The following TPPP variants were observed in gnomAD, a reference collection of about 807,000 sequenced individuals.
TPPP encodes tubulin polymerization-promoting protein.
A neutral mutation model predicts 15.5 loss-of-function variants in TPPP; 6 were observed. The observed-to-expected ratio is 0.39, with a 90% CI of 0.21 to 0.77. TPPP has a LOEUF of 0.77. TPPP is among the 30% of genes least tolerant of loss of function. The probability of loss-of-function intolerance (pLI) is 0.42; values close to 1 mark genes in which losing one functional copy is unlikely to be tolerated. For synonymous variants in TPPP, 146 were observed against 133.9 expected, an observed-to-expected ratio of 1.09 and a Z score of -0.63; for missense variants, 269 against 307.2, an observed-to-expected ratio of 0.88 and a Z score of 0.93.
chr5:682,824 T>G lies in TPPP; in HGVS notation c.-4-4760A>C, dbSNP rs1740664619. On this transcript the variant is annotated intron_variant, in intron 1 of 3. Coordinates refer to ENST00000360578, the MANE Select transcript of TPPP (RefSeq NM_007030.3). The stretch of plus-strand genomic sequence containing the variant: ...TGGCTGTGGGGTGGCTGAGCCTTGC[T>G]GGCAGAGGAGGCTGGTGGACAGGCT... 2.6e-5 allele frequency among the ~76,000 whole-genome samples: 4 copies of G among 152,358 alleles called. No homozygotes were observed. The South Asian group carries it at 8.3e-4, about 32-fold the overall frequency.
At chr5:682,408 TG>T in intron 1 of TPPP, among the ~76,000 whole-genome samples, 2 of 148,924 alleles carry the variant, frequency 1.3e-5, no homozygotes, top group Non-Finnish European at 3.0e-5. Flanking sequence ...TACTAGGACC[TG>T]GGGTCTGTCA....
intron 2 of TPPP, among the ~76,000 whole-genome samples, chr5:668,613 G>A (rs899021594): frequency 6.6e-6 from 1 of 152,252 alleles, no homozygotes; most frequent in Non-Finnish European, 1.5e-5. Flanking sequence ...ACACCCGGCC[G>A]AGCAACGCGG....
intron 1 of TPPP, among the ~76,000 whole-genome samples, chr5:684,044 A>C (rs1424520996): frequency 1.3e-5 from 2 of 152,326 alleles, no homozygotes; most frequent in East Asian, 3.9e-4. Context: ...ACTCCTGTTT[A>C]GGAAACCCCA....
chr5:697,372 G>A (rs1253540928), upstream of TPPP, among the ~76,000 whole-genome samples: 10 of 148,724 alleles, frequency 6.7e-5, no homozygotes, highest in South Asian at 2.2e-4. Context: ...CACAGCCGAT[G>A]TTAGGGAAGA....
At chr5:694,261 C>A (rs1431682214), upstream of TPPP, among the ~76,000 whole-genome samples, 12 of 151,654 alleles carry the variant, frequency 7.9e-5, no homozygotes, top group Non-Finnish European at 1.3e-4. Context: ...GATGACAGGG[C>A]GGTTCTGTGG....
chr5:693,236 C>G (rs977718609), intron 1 of TPPP, 42 bp downstream of exon 1: 1 of 148,752 alleles, frequency 6.7e-6, no homozygotes, highest in Non-Finnish European at 1.5e-5. Context: ...CCCGGGTGCC[C>G]CCCGCGCCGC....
At chr5:699,911 G>A in the TPPP span, among the ~76,000 whole-genome samples, 1 of 151,600 alleles carries the variant, frequency 6.6e-6, no homozygotes, top group African/African-American at 2.4e-5. Context: ...TCTTAGACAA[G>A]TCAGAATGGC....
rs1242057346 is a variant in TPPP at position 660,258 on chromosome 5, T to C, written c.*4844A>G. On this transcript the variant is annotated 3_prime_UTR_variant, in exon 4 of 4. Transcript: ENST00000360578. ...TTGTTTCCCTTTCTTGAAAAAAACT[T>C]AGTACAAACTAGTAGTTACACGATC... 1.3e-5 allele frequency: 2 copies of C among 151,836 alleles called. No homozygotes were observed. The highest frequency in any genetic ancestry group is 2.9e-5 in the Non-Finnish European group (2 of 67,964). 9.4% of individuals were successfully genotyped at this position (151,836 alleles called of 1,614,324 possible). A position where few individuals can be genotyped will look rare whatever the true frequency, so the allele number is the denominator to read the frequency against.
Position 668,493 on chromosome 5 carries a change from T to C in TPPP, c.312-2370A>G, listed in dbSNP as rs954800235. ...GGCCGCGTGGGCGCCGTCAGGGAAG[T>C]GCAGATGGAAACCACAGCGAGGCCC... On this transcript the variant is annotated intron_variant, in intron 2 of 3. Transcript: ENST00000360578. 1.4e-4 allele frequency among the ~76,000 whole-genome samples: 22 copies of C among 152,112 alleles called. No individual in the cohort carries two copies. The East Asian group carries it at 4.1e-3, about 28-fold the overall frequency.
chr5:675,187 C>T (rs1396979860), intron 2 of TPPP, among the ~76,000 whole-genome samples: 12 of 51,860 alleles, frequency 2.3e-4, no homozygotes, highest in African/African-American at 9.6e-4. Flanking sequence ...ATGGAGGGTA[C>T]GGTGTGGCCA....
At position 664,965 on chromosome 5, in the gene TPPP, G is replaced by A. The variant is rs1739831758; in HGVS notation, c.*137C>T. 4 of 1,006,104 alleles carry A rather than the reference G, an allele frequency of 4.0e-6. No individual in the cohort carries two copies. Among genetic ancestry groups the A allele is most frequent in the Non-Finnish European group, 5.8e-6 (4 of 693,684 alleles). 62.3% of individuals were successfully genotyped at this position (1,006,104 alleles called of 1,614,324 possible). On this transcript the variant is annotated 3_prime_UTR_variant, in exon 4 of 4. Transcript: ENST00000360578. Reference sequence around the variant, plus strand: ...GGAGGAGGGGCAGGAGGGAGGCCTGGGCCTGGCCGCCCCCCAGCCCCCTCT... The same window carrying A: ...GGAGGAGGGGCAGGAGGGAGGCCTGAGCCTGGCCGCCCCCCAGCCCCCTCT...
At chr5:682,328 C>T (rs1393149718) in intron 1 of TPPP, among the ~76,000 whole-genome samples, 1 of 102,638 alleles carries the variant, frequency 9.7e-6, no homozygotes, top group Admixed American at 1.0e-4. Context: ...TCACTAGGGC[C>T]GGGGCCTGTC....
intron 2 of TPPP, among the ~76,000 whole-genome samples, chr5:671,126 C>T (rs538425993): frequency 2.0e-4 from 31 of 152,202 alleles, no homozygotes; most frequent in Non-Finnish European, 3.8e-4. Flanking sequence ...GTCTGGCTAC[C>T]GAAGGCTCCC....
intron 2 of TPPP, among the ~76,000 whole-genome samples, chr5:672,946 C>T (rs1041489455): frequency 7.9e-5 from 12 of 152,224 alleles, no homozygotes; most frequent in African/African-American, 2.4e-4. Context: ...AACAAAGGCT[C>T]GCAGATACCC....
upstream of TPPP, among the ~76,000 whole-genome samples, chr5:696,889 TG>T (rs1741022572): frequency 2.1e-3 from 9 of 4,198 alleles, no homozygotes; most frequent in South Asian, 0.019. Context: ...TGTCTCTGTG[TG>T]TATGAGTGTG....
intron 2 of TPPP, among the ~76,000 whole-genome samples, chr5:669,335 G>A (rs1442260909): frequency 1.3e-5 from 2 of 152,304 alleles, no homozygotes; most frequent in Non-Finnish European, 2.9e-5. Flanking sequence ...CCGCGGTGTT[G>A]GGGGTGGATT....
At chr5:683,966 T>C (rs1435258014) in intron 1 of TPPP, among the ~76,000 whole-genome samples, 365 of 151,310 alleles carry the variant, frequency 2.4e-3, no homozygotes, top group Admixed American at 3.9e-3. Context: ...ACCCTCCACC[T>C]CGGGCCGGCT....
chr5:677,623 G>C, intron 2 of TPPP, 127 bp downstream of exon 2: 2 of 849,224 alleles, frequency 2.4e-6, no homozygotes, highest in Non-Finnish European at 3.5e-6. Flanking sequence ...CTTCTGAGAA[G>C]GGCGGGGTCT....
intron 1 of TPPP, among the ~76,000 whole-genome samples, chr5:685,805 G>T (rs1740751295): frequency 1.3e-5 from 2 of 152,312 alleles, no homozygotes; most frequent in South Asian, 4.1e-4. Flanking sequence ...AGAAGGCGGG[G>T]CAGTCTCAGA....
Sources: gnomAD v4.1 joint callset for allele counts (sites outside exome capture counted in the v4.1 genomes callset) on GRCh38, gnomAD v4.1.1 for gene constraint, MANE v1.5 for transcripts, NCBI Gene and HGNC (gene_info 2026-07-23, HGNC 2026-07-21) for gene names.